The following TACR3 variants were observed in gnomAD, a reference collection of about 807,000 sequenced individuals.
The protein encoded by TACR3 is neuromedin-K receptor.
TACR3 carries 34 observed loss-of-function variants against 35.0 expected under a neutral mutation model. The ratio of observed to expected loss-of-function variants is 0.97; its 90% CI spans 0.74 to 1.30. The LOEUF is 1.30. Ranked by LOEUF, TACR3 falls within the 50% of genes most tolerant of loss-of-function variation. The pLI is 0.00. For missense variants in TACR3, 558 were observed against 591.7 expected (o/e 0.94, Z 0.59); for synonymous variants, 233 against 221.1 (o/e 1.05, Z -0.48).
At chr4:103,639,618 A>G (rs1222975706) in intron 3 of TACR3, among the ~76,000 whole-genome samples, 1 of 151,924 alleles carries the variant, frequency 6.6e-6, no homozygotes, top group African/African-American at 2.4e-5. Flanking sequence ...AAAAAGAAAA[A>G]TCAGTTGACC....
At chr4:103,657,672 T>G (rs1653147354) in intron 2 of TACR3, among the ~76,000 whole-genome samples, 1 of 152,166 alleles carries the variant, frequency 6.6e-6, no homozygotes, top group African/African-American at 2.4e-5. Context: ...CTATTTAATG[T>G]GGGTATAAAA....
intron 1 of TACR3, among the ~76,000 whole-genome samples, chr4:103,661,427 G>T (rs1401315291): frequency 6.6e-6 from 1 of 152,058 alleles, no homozygotes; most frequent in African/African-American, 2.4e-5. Flanking sequence ...TTGTTGTACT[G>T]AACTGAATAT....
intron 1 of TACR3, among the ~76,000 whole-genome samples, chr4:103,677,389 T>G (rs1726192172): frequency 6.6e-6 from 1 of 152,072 alleles, no homozygotes; most frequent in South Asian, 2.1e-4. Flanking sequence ...AATCATTCTA[T>G]TATAAGGACA....
At chr4:103,636,490 G>A (rs1451231189) in intron 3 of TACR3, among the ~76,000 whole-genome samples, 1 of 151,892 alleles carries the variant, frequency 6.6e-6, no homozygotes, top group Admixed American at 6.6e-5. Context: ...CCACACAAAA[G>A]CCTTTTATCT....
intron 3 of TACR3, among the ~76,000 whole-genome samples, chr4:103,614,882 G>GTTTTTTTTTTTTTTTTTTTT (rs1325226834): frequency 2.2e-5 from 2 of 90,818 alleles, no homozygotes; most frequent in African/African-American, 8.7e-5. Context: ...GATTATGAAT[G>GTTTTTTTTTTTTTTTTTTTT]TGTTTTTTTT....
chr4:103,646,979 T>C (rs1217375913), intron 3 of TACR3, among the ~76,000 whole-genome samples: 1 of 151,970 alleles, frequency 6.6e-6, no homozygotes, highest in Non-Finnish European at 1.5e-5. Context: ...ATATCCTAAA[T>C]ATGAAATCTG....
At chr4:103,637,758 A>G (rs1418105808) in intron 3 of TACR3, among the ~76,000 whole-genome samples, 2 of 152,178 alleles carry the variant, frequency 1.3e-5, no homozygotes, top group Non-Finnish European at 2.9e-5. Flanking sequence ...TACAAAATCA[A>G]TGTGCAAAAA....
At chr4:103,602,285 G>A (rs1578221359) in intron 3 of TACR3, among the ~76,000 whole-genome samples, 2 of 152,080 alleles carry the variant, frequency 1.3e-5, no homozygotes, top group East Asian at 3.9e-4. Context: ...TTATCCATTT[G>A]TCTAATTTTT....
chr4:103,688,870 A>C (rs1722322147), intron 1 of TACR3, among the ~76,000 whole-genome samples: 1 of 152,118 alleles, frequency 6.6e-6, no homozygotes, highest in African/African-American at 2.4e-5. Flanking sequence ...AACTAGAAAT[A>C]CCATTTGACC....
At chr4:103,624,316 A>T (rs1225760339) in intron 3 of TACR3, 2 of 152,164 alleles carry the variant, frequency 1.3e-5, no homozygotes, top group East Asian at 3.9e-4. Flanking sequence ...TTCCTGTTGC[A>T]GAGATTTATA....
chr4:103,701,939 T>C (rs1172241070), intron 1 of TACR3, among the ~76,000 whole-genome samples: 1 of 152,116 alleles, frequency 6.6e-6, no homozygotes, highest in Non-Finnish European at 1.5e-5. Context: ...CCTAAAACCA[T>C]AAAAATCCTA....
chr4:103,595,722 T>TA (rs1279320237), intron 3 of TACR3, among the ~76,000 whole-genome samples: 1 of 152,004 alleles, frequency 6.6e-6, no homozygotes, highest in African/African-American at 2.4e-5. Flanking sequence ...CTTTTTTTTT[T>TA]AATTTTGGCA....
chr4:103,716,071 T>A (rs775770943), intron 1 of TACR3, among the ~76,000 whole-genome samples: 21 of 152,166 alleles, frequency 1.4e-4, no homozygotes, highest in Admixed American at 1.3e-4. Flanking sequence ...CTGCAGTGAT[T>A]TGAATCTTGA....
At position 103,697,398 on chromosome 4, in the gene TACR3, A is replaced by ATTTGTTTG. The variant is rs201025607; in HGVS notation, c.548+21729_548+21730insCAAACAAA. 0.016 allele frequency among the ~76,000 whole-genome samples: 1,979 copies of ATTTGTTTG among 126,946 alleles called. 118 individuals carry two copies. In the East Asian group the frequency reaches 0.23, roughly 14 times the overall value. The allele number at this position is 126,946 out of a possible 152,430, so 83.3% of individuals were successfully genotyped here. A position where few individuals can be genotyped will look rare whatever the true frequency, so the allele number is the denominator to read the frequency against. On this transcript the variant is annotated intron_variant, in intron 1 of 4. Coordinates refer to ENST00000304883, the MANE Select transcript of TACR3 (RefSeq NM_001059.3). ...GGGCACTTGTGTTATTTATTTATTT[A>ATTTGTTTG]TTTGTTTATTTATTTATTTATTTAT...
intron 3 of TACR3, among the ~76,000 whole-genome samples, chr4:103,611,538 G>A (rs1057216062): frequency 3.3e-5 from 5 of 152,234 alleles, no homozygotes; most frequent in African/African-American, 1.2e-4. Context: ...CCTTTTATGT[G>A]CAAGGCTCTG....
At chr4:103,624,988 G>T (rs1324304407) in intron 3 of TACR3, among the ~76,000 whole-genome samples, 1 of 152,018 alleles carries the variant, frequency 6.6e-6, no homozygotes, top group Non-Finnish European at 1.5e-5. Flanking sequence ...ACAGGGAAAG[G>T]TAGAGAGGGA....
chr4:103,657,346 AGAT>A (rs1187617116), intron 2 of TACR3, among the ~76,000 whole-genome samples: 1 of 152,056 alleles, frequency 6.6e-6, no homozygotes, highest in Non-Finnish European at 1.5e-5. Flanking sequence ...AATAATTTGA[AGAT>A]GATAACATTA....
intron 1 of TACR3, among the ~76,000 whole-genome samples, chr4:103,691,137 C>A (rs750063450): frequency 2.0e-5 from 3 of 152,144 alleles, no homozygotes; most frequent in African/African-American, 7.2e-5. Flanking sequence ...ATGAAAACTT[C>A]TGTTCACACA....
At chr4:103,648,705 G>A (rs1477817656) in intron 3 of TACR3, among the ~76,000 whole-genome samples, 1 of 152,092 alleles carries the variant, frequency 6.6e-6, no homozygotes. Context: ...CATTTAGGTT[G>A]CTTCCAAGTC....
Sources: gnomAD v4.1 joint callset for allele counts (sites outside exome capture counted in the v4.1 genomes callset) on GRCh38, gnomAD v4.1.1 for gene constraint, MANE v1.5 for transcripts, NCBI Gene and HGNC (gene_info 2026-07-23, HGNC 2026-07-21) for gene names.